The following EFCAB3 variants were observed in gnomAD, a reference collection of about 807,000 sequenced individuals.
EFCAB3 encodes the protein EF-hand calcium-binding domain-containing protein 3.
Under a neutral mutation model 42.2 loss-of-function variants are expected in EFCAB3, and 36 were observed. The ratio of observed to expected loss-of-function variants is 0.85; its 90% CI spans 0.65 to 1.13. EFCAB3 has a LOEUF of 1.13. Ranked by LOEUF, EFCAB3 falls within the 50% of genes most tolerant of loss-of-function variation. EFCAB3 has a pLI of 0.00. For missense variants in EFCAB3, 418 were observed against 505.1 expected, an observed-to-expected ratio of 0.83 and a Z score of 1.65; for synonymous variants, 170 against 172.8, an observed-to-expected ratio of 0.98 and a Z score of 0.13.
chr17:62,408,063 T>A (rs1598020823), intron 8 of EFCAB3, among the ~76,000 whole-genome samples: 1 of 152,150 alleles, frequency 6.6e-6, no homozygotes, highest in East Asian at 1.9e-4. Context: ...TAAGAGGACA[T>A]TTATCCTCTT....
At chr17:62,372,128 A>G (rs7222736) in intron 1 of EFCAB3, among the ~76,000 whole-genome samples, 120,478 of 152,176 alleles carry the variant, frequency 0.79, 49,411 homozygotes, top group Non-Finnish European at 0.89. Flanking sequence ...ACACTGAACC[A>G]TTAGGTTTCT....
chr17:62,391,943 A>G lies in EFCAB3; in HGVS notation c.273A>G (p.Glu91=). ...MNLTKHDVYN[E]LKCADIDRDG... Reference sequence around the variant, plus strand: ...TGACCAAGCATGATGTCTATAATGAATTGAAATGTGCTGATATTGATCGTG... The same window carrying G: ...TGACCAAGCATGATGTCTATAATGAGTTGAAATGTGCTGATATTGATCGTG... The change falls in exon 4 of 10, where the codon GAA becomes GAG. Residue 91 remains glutamate (E), a synonymous_variant. Transcript: ENST00000305286. 6.2e-7 allele frequency: 1 copy of G among 1,609,150 alleles called. No individual in the cohort carries two copies. The highest frequency in any genetic ancestry group is 1.7e-5 in the Admixed American group (1 of 59,862).
chr17:62,414,970 C>T (rs187509548), intron 9 of EFCAB3, among the ~76,000 whole-genome samples: 1 of 151,616 alleles, frequency 6.6e-6, no homozygotes, highest in African/African-American at 2.4e-5. Flanking sequence ...TGGGCATGGT[C>T]GTGGGCGCCT....
intron 6 of EFCAB3, chr17:62,397,372 C>A: frequency 3.0e-6 from 1 of 336,150 alleles, no homozygotes; most frequent in South Asian, 2.9e-5. Context: ...TTAGCTCTTT[C>A]ACTCAGGCCC....
chr17:62,394,790 C>T (rs1424928743), intron 5 of EFCAB3, among the ~76,000 whole-genome samples: 1 of 152,084 alleles, frequency 6.6e-6, no homozygotes, highest in Non-Finnish European at 1.5e-5. Context: ...TTGCCTAGAA[C>T]CAGATAATAA....
chr17:62,376,302 G>A (rs1024118987), upstream of EFCAB3, among the ~76,000 whole-genome samples: 12 of 151,878 alleles, frequency 7.9e-5, no homozygotes, highest in African/African-American at 2.4e-4. Context: ...GTGAAACCCC[G>A]TCTCTACAAA....
intron 8 of EFCAB3, among the ~76,000 whole-genome samples, chr17:62,409,611 G>T (rs1014615566): frequency 6.6e-6 from 1 of 151,544 alleles, no homozygotes; most frequent in Non-Finnish European, 1.5e-5. Context: ...ATATATTTAT[G>T]TATTCAAATA....
intron 6 of EFCAB3, among the ~76,000 whole-genome samples, chr17:62,398,463 A>AG (rs1365370313): frequency 1.3e-5 from 2 of 149,834 alleles, no homozygotes; most frequent in African/African-American, 4.9e-5. Context: ...CAAAAAAAAA[A>AG]GAAAAAAAAA....
Position 62,416,454 on chromosome 17 carries a change from A to G in EFCAB3, c.*125A>G. ...AAATTTTGACATCTTTTGGATTCTGACCAGTAAAAAAGTTTAAGTCATAAA... is the reference window on the plus strand; with the variant it reads ...AAATTTTGACATCTTTTGGATTCTGGCCAGTAAAAAAGTTTAAGTCATAAA... On this transcript the variant is annotated 3_prime_UTR_variant, in exon 10 of 10. Coordinates refer to ENST00000305286, the MANE Select transcript of EFCAB3 (RefSeq NM_173503.4). 3 of 806,850 alleles carry G rather than the reference A, an allele frequency of 3.7e-6. No homozygotes were observed. The highest frequency in any genetic ancestry group is 3.7e-6 in the Non-Finnish European group (2 of 540,840). The allele number at this position is 806,850 out of a possible 1,614,324, so 50.0% of individuals were successfully genotyped here. A position where few individuals can be genotyped will look rare whatever the true frequency, so the allele number is the denominator to read the frequency against.
intron 4 of EFCAB3, among the ~76,000 whole-genome samples, chr17:62,393,048 C>T (rs1344604890): frequency 1.3e-5 from 2 of 152,192 alleles, no homozygotes; most frequent in Non-Finnish European, 2.9e-5. Context: ...CTCCACCCAA[C>T]TGCTAGTGCC....
At chr17:62,373,232 A>G (rs368321261) in intron 1 of EFCAB3, among the ~76,000 whole-genome samples, 1 of 150,964 alleles carries the variant, frequency 6.6e-6, no homozygotes, top group Admixed American at 6.7e-5. Flanking sequence ...CTGAGCTGAG[A>G]TCACACCACT....
At chr17:62,381,765 G>A (rs76808982) in intron 1 of EFCAB3, 5,509 of 401,086 alleles carry the variant, frequency 0.014, 288 homozygotes, top group African/African-American at 0.11. Flanking sequence ...CGTAGGCATC[G>A]AGGCGGACGA....
chr17:62,411,612 C>T (rs976222861), intron 8 of EFCAB3, among the ~76,000 whole-genome samples: 10 of 151,636 alleles, frequency 6.6e-5, no homozygotes, highest in African/African-American at 2.4e-4. Context: ...GTACTAAATA[C>T]AAAAATTAGT....
At chr17:62,370,340 T>G (rs372433874) in intron 1 of EFCAB3, 1 of 1,551,442 alleles carries the variant, frequency 6.4e-7, no homozygotes, top group Admixed American at 2.0e-5. Flanking sequence ...GTATGTTTTA[T>G]AATTATGTTA....
At chr17:62,407,686 T>C (rs1331300647) in intron 8 of EFCAB3, among the ~76,000 whole-genome samples, 3 of 152,214 alleles carry the variant, frequency 2.0e-5, no homozygotes, top group Admixed American at 2.0e-4. Flanking sequence ...TCAAGTTCTG[T>C]TGACTCTAGT....
intron 6 of EFCAB3, among the ~76,000 whole-genome samples, chr17:62,395,512 T>C (rs1014831093): frequency 4.6e-5 from 7 of 152,164 alleles, no homozygotes; most frequent in Admixed American, 4.6e-4. Context: ...GGAATAATTT[T>C]GGGTGGGCTT....
chr17:62,400,422 C>G (rs193283898), intron 6 of EFCAB3, among the ~76,000 whole-genome samples: 1 of 152,240 alleles, frequency 6.6e-6, no homozygotes. Flanking sequence ...TGTTCCCCAC[C>G]CTGTGTCCAA....
intron 6 of EFCAB3, among the ~76,000 whole-genome samples, chr17:62,399,082 T>C (rs1454205077): frequency 6.6e-6 from 1 of 152,142 alleles, no homozygotes; most frequent in Non-Finnish European, 1.5e-5. Flanking sequence ...GCTGACTCCT[T>C]GACTCCTACA....
intron 5 of EFCAB3, among the ~76,000 whole-genome samples, chr17:62,394,721 A>G (rs2070334358): frequency 6.6e-6 from 1 of 152,204 alleles, no homozygotes; most frequent in Non-Finnish European, 1.5e-5. Context: ...TGTTCTTAGG[A>G]TAAAGAAAAG....
Sources: allele counts gnomAD v4.1 joint callset (sites outside exome capture counted in the v4.1 genomes callset), GRCh38; gene constraint gnomAD v4.1.1; transcripts MANE v1.5; gene names NCBI Gene and HGNC (gene_info 2026-07-23, HGNC 2026-07-21).